Variants in TLN2 observed in about 807,000 individuals in gnomAD.
TLN2 encodes the protein talin-2.
Under a neutral mutation model 294.7 loss-of-function variants are expected in TLN2, and 118 were observed. The observed-to-expected ratio is 0.40, with a 90% confidence interval of 0.34 to 0.47. The LOEUF is 0.47. Among genes scored for constraint, TLN2 ranks in the 20% least tolerant of loss-of-function variants. The pLI, the probability that TLN2 is intolerant of heterozygous loss-of-function variation, is 0.84. For synonymous variants in TLN2, 1,431 were observed against 1,304.5 expected (o/e 1.10, Z -2.09); for missense variants, 3,083 against 3,282.2 (o/e 0.94, Z 1.48).
At chr15:62,686,610 G>T (rs1465934453) in intron 11 of TLN2, 31 bp from the exon 12 acceptor site, 11 of 1,595,020 alleles carry the variant, frequency 6.9e-6, no homozygotes, top group Non-Finnish European at 8.5e-6. Context: ...TTCAGAAGAA[G>T]AGCACTGACT....
At chr15:62,506,902 T>G (rs1212793395) in intron 1 of TLN2, among the ~76,000 whole-genome samples, 1 of 152,224 alleles carries the variant, frequency 6.6e-6, no homozygotes, top group East Asian at 1.9e-4. Context: ...CACCCTTATT[T>G]TTATTTTTTA....
intron 1 of TLN2, among the ~76,000 whole-genome samples, chr15:62,393,896 C>T (rs2032309962): frequency 6.6e-6 from 1 of 150,434 alleles, no homozygotes; most frequent in Non-Finnish European, 1.5e-5. Flanking sequence ...TCACCTCAGC[C>T]TTCCAAGTAG....
In TLN2 at chr15:62,725,161, ATTGT is replaced by A. The variant is rs572735520; in HGVS notation, c.3255+63_3255+66del. The A allele has an allele frequency of 7.9e-5, 123 of 1,554,324 alleles. No individual in the cohort carries two copies. The African/African-American group carries it at 1.4e-3, about 18-fold the overall frequency. On this transcript the variant is annotated intron_variant, in intron 27 of 58. Coordinates refer to ENST00000636159, the MANE Select transcript of TLN2 (RefSeq NM_015059.3). ...GTACCTTTTGTTATGACGTTATTAA[ATTGT>A]TTGTTGTTAGGGTGTTTGCTAAAGT...
chr15:62,750,253 C>T, intron 33 of TLN2, 149 bp from the exon 34 acceptor site: 1 of 672,802 alleles, frequency 1.5e-6, no homozygotes, highest in Non-Finnish European at 2.7e-6. Flanking sequence ...AGTCATGATA[C>T]CATGATGTAA....
intron 1 of TLN2, among the ~76,000 whole-genome samples, chr15:62,573,674 G>A (rs183120943): frequency 1.3e-5 from 2 of 151,884 alleles, no homozygotes; most frequent in Admixed American, 1.3e-4. Flanking sequence ...CTTCCCCCAG[G>A]AACCCCCTTC....
chr15:62,678,727 T>C (rs1005674865), intron 11 of TLN2, among the ~76,000 whole-genome samples: 4 of 152,082 alleles, frequency 2.6e-5, no homozygotes, highest in Non-Finnish European at 4.4e-5. Context: ...GCTACTTGGG[T>C]GGCTGAGGCA....
At chr15:62,653,850 T>A (rs1265112295) in intron 7 of TLN2, among the ~76,000 whole-genome samples, 1 of 152,208 alleles carries the variant, frequency 6.6e-6, no homozygotes, top group Admixed American at 6.5e-5. Flanking sequence ...TGTCTAAAAA[T>A]TTTTTTAATA....
chr15:62,612,331 C>T (rs746524465), intron 2 of TLN2, among the ~76,000 whole-genome samples: 1 of 152,120 alleles, frequency 6.6e-6, no homozygotes, highest in African/African-American at 2.4e-5. Context: ...TGGTCAGTGT[C>T]ACAGTCTGCT....
intron 2 of TLN2, among the ~76,000 whole-genome samples, chr15:62,595,513 G>A (rs1436821575): frequency 6.6e-6 from 1 of 151,694 alleles, no homozygotes; most frequent in East Asian, 1.9e-4. Context: ...AAGTTAATAT[G>A]GTCATAATGG....
intron 9 of TLN2, among the ~76,000 whole-genome samples, chr15:62,662,014 G>T (rs917578330): frequency 6.6e-6 from 1 of 152,038 alleles, no homozygotes; most frequent in African/African-American, 2.4e-5. Flanking sequence ...TTTTAGTAAA[G>T]TAATTTAACA....
intron 1 of TLN2, among the ~76,000 whole-genome samples, chr15:62,456,184 T>A (rs1029936748): frequency 1.5e-4 from 23 of 152,298 alleles, no homozygotes; most frequent in African/African-American, 5.3e-4. Context: ...TCCAAGGGCC[T>A]CTTCACTGGA....
chr15:62,468,032 C>T (rs2037242115), intron 1 of TLN2, among the ~76,000 whole-genome samples: 1 of 152,146 alleles, frequency 6.6e-6, no homozygotes, highest in African/African-American at 2.4e-5. Context: ...GGTTGTCTAG[C>T]TTTTAATAAT....
intron 20 of TLN2, 27 bp downstream of exon 20, chr15:62,707,280 T>G (rs2059131483): frequency 6.3e-7 from 1 of 1,589,414 alleles, no homozygotes; most frequent in Non-Finnish European, 8.6e-7. Context: ...CCCAGCCCTT[T>G]CTACCCAGTA....
intron 28 of TLN2, among the ~76,000 whole-genome samples, chr15:62,728,885 A>C (rs116434193): frequency 6.6e-6 from 1 of 151,880 alleles, no homozygotes; most frequent in Non-Finnish European, 1.5e-5. Flanking sequence ...TTTTTTCTTT[A>C]TGGTTAGTAC....
At chr15:62,508,217 A>G (rs1361175807) in intron 1 of TLN2, among the ~76,000 whole-genome samples, 1 of 151,248 alleles carries the variant, frequency 6.6e-6, no homozygotes, top group Non-Finnish European at 1.5e-5. Flanking sequence ...AAATTATTTT[A>G]TTTATTTATT....
At chr15:62,485,432 C>T (rs975505423) in intron 1 of TLN2, among the ~76,000 whole-genome samples, 6 of 152,154 alleles carry the variant, frequency 3.9e-5, no homozygotes, top group Non-Finnish European at 5.9e-5. Context: ...GTGTGGTCTC[C>T]GTCTCAGGCT....
intron 33 of TLN2, among the ~76,000 whole-genome samples, 186 bp downstream of exon 33, chr15:62,748,630 A>T (rs184856231): frequency 9.1e-4 from 138 of 152,360 alleles, no homozygotes; most frequent in African/African-American, 3.1e-3. Context: ...AGTGGAAAGA[A>T]ACTGAAGAGA....
chr15:62,450,206 T>C (rs1264351322), intron 1 of TLN2, among the ~76,000 whole-genome samples: 1 of 152,158 alleles, frequency 6.6e-6, no homozygotes, highest in Non-Finnish European at 1.5e-5. Context: ...GCCTGAAACG[T>C]TCTTCTCCCA....
At chr15:62,786,642 C>G (rs972752557) in intron 45 of TLN2, among the ~76,000 whole-genome samples, 1 of 152,066 alleles carries the variant, frequency 6.6e-6, no homozygotes, top group African/African-American at 2.4e-5. Flanking sequence ...TACTGGATGC[C>G]TTAAAAGCTG....
Sources: allele counts gnomAD v4.1 joint callset (sites outside exome capture counted in the v4.1 genomes callset), GRCh38; gene constraint gnomAD v4.1.1; transcripts MANE v1.5; gene names NCBI Gene and HGNC (gene_info 2026-07-23, HGNC 2026-07-21).